The following ABHD2 variants were observed in gnomAD, a reference collection of about 807,000 sequenced individuals.
The protein encoded by ABHD2 is monoacylglycerol lipase ABHD2.
In ABHD2, 20 loss-of-function variants were observed where a neutral mutation model predicts 48.1. That is an observed-to-expected ratio of 0.42 (90% CI 0.29 to 0.60). The LOEUF (loss-of-function observed/expected upper bound fraction) is 0.60, where lower values mean the gene tolerates loss of function less well. ABHD2 is among the 20% of genes least tolerant of loss of function. The pLI, the probability that ABHD2 is intolerant of heterozygous loss-of-function variation, is 0.24. For synonymous variants in ABHD2, 209 were observed against 214.2 expected (o/e 0.98, Z 0.21); for missense variants, 405 against 550.9 (o/e 0.74, Z 2.65).
In ABHD2 at chr15:89,175,932, C is replaced by G; in HGVS notation, c.659C>G (p.Thr220Ser). ...ATTGTGTGCAAATACTTGGGGGAGA[C>G]TCAGGCAAACCAAGAGAAGGTCCTG... Reference protein sequence around the residue: ...GNIVCKYLGETQANQEKVLCC... With the variant: ...GNIVCKYLGESQANQEKVLCC... Residue 220 changes from threonine to serine, a missense_variant, in exon 6 of 11, where the codon ACT (threonine) becomes AGT (serine). By Grantham distance (58) the Thr-to-Ser change is moderately conservative. Transcript: ENST00000352732. This position sits in a 1 kb window ranked among gnomAD's most constrained non-coding sequence, Gnocchi z 5.7. 5 of 1,614,090 alleles carry G rather than the reference C, an allele frequency of 3.1e-6. No homozygotes were observed. The highest frequency in any genetic ancestry group is 4.2e-6 in the Non-Finnish European group (5 of 1,179,996).
intron 5 of ABHD2, among the ~76,000 whole-genome samples, chr15:89,172,917 G>A (rs1596144272): frequency 6.6e-6 from 1 of 152,222 alleles, no homozygotes; most frequent in African/African-American, 2.4e-5. Context: ...GAGCCTGGAA[G>A]CTGAAGATTT....
At position 89,195,371 on chromosome 15, in the gene ABHD2, G is replaced by GT. The variant is rs746175630; in HGVS notation, c.1227dup (p.Asn410Ter). The GT allele has an allele frequency of 1.9e-6, 3 of 1,614,068 alleles. No individual in the cohort carries two copies. Among genetic ancestry groups the GT allele is most frequent in the Non-Finnish European group, 2.5e-6 (3 of 1,180,046 alleles). ...GCCAACGCCATTTGCCAATGGGAGC[G>GT]TAACAAGTTGCAGTGCTCTGACACG... On this transcript the variant is annotated frameshift_variant, in exon 11 of 11. Coordinates refer to ENST00000352732, the MANE Select transcript of ABHD2 (RefSeq NM_152924.5). LOFTEE classifies it high-confidence loss of function. The surrounding 1 kb of genome is among the most constrained non-coding windows in gnomAD (Gnocchi z 5.1).
At chr15:89,049,366 G>A in the ABHD2 span, among the ~76,000 whole-genome samples, 1 of 152,250 alleles carries the variant, frequency 6.6e-6, no homozygotes, top group African/African-American at 2.4e-5. Flanking sequence ...TGCCCCCAGA[G>A]GTGGAGCCTA....
the ABHD2 span, among the ~76,000 whole-genome samples, chr15:89,054,629 G>A: frequency 6.6e-6 from 1 of 151,702 alleles, no homozygotes; most frequent in Non-Finnish European, 1.5e-5. Flanking sequence ...GCAGTGAGCC[G>A]AGGTTGTGCC....
intron 3 of ABHD2, among the ~76,000 whole-genome samples, chr15:89,140,964 T>C (rs896537817): frequency 2.9e-5 from 4 of 138,512 alleles, no homozygotes; most frequent in Non-Finnish European, 1.6e-5. Context: ...GTTAATAGTT[T>C]AGTTTCACTT....
chr15:89,134,529 C>T (rs1217995197), intron 3 of ABHD2, among the ~76,000 whole-genome samples: 2 of 152,144 alleles, frequency 1.3e-5, no homozygotes, highest in African/African-American at 2.4e-5. Flanking sequence ...CAGCTTTGTA[C>T]TATGTTTTGC....
At chr15:89,042,025 T>C in the ABHD2 span, among the ~76,000 whole-genome samples, 21 of 152,208 alleles carry the variant, frequency 1.4e-4, no homozygotes, top group African/African-American at 1.7e-4. Flanking sequence ...ATCACCATTA[T>C]TGCTAAACAT....
At chr15:89,084,435 G>A (rs916595826), upstream of ABHD2, among the ~76,000 whole-genome samples, 3 of 152,094 alleles carry the variant, frequency 2.0e-5, no homozygotes, top group African/African-American at 7.2e-5. The surrounding 1 kb of genome is among the most constrained non-coding windows in gnomAD (Gnocchi z 4.4). Flanking sequence ...AAGTAGCTGG[G>A]ATTACAGGCA....
intron 5 of ABHD2, among the ~76,000 whole-genome samples, chr15:89,163,243 CTG>C (rs1398189582): frequency 2.6e-5 from 4 of 152,254 alleles, no homozygotes; most frequent in Non-Finnish European, 5.9e-5. Context: ...CAACCCAACT[CTG>C]TTCCAAACCA....
chr15:89,153,860 T>C (rs2050630415), intron 4 of ABHD2, among the ~76,000 whole-genome samples: 1 of 152,262 alleles, frequency 6.6e-6, no homozygotes, highest in Admixed American at 6.5e-5. Flanking sequence ...TGTGATATTA[T>C]AAAGACTTTC....
chr15:89,172,506 T>C lies in ABHD2; in HGVS notation c.539-3306T>C, dbSNP rs79111297. 2.7e-3 allele frequency among the ~76,000 whole-genome samples: 412 copies of C among 152,372 alleles called. 2 individuals are homozygous for C. The highest frequency in any genetic ancestry group is 9.2e-3 in the African/African-American group (384 of 41,588). On this transcript the variant is annotated intron_variant, in intron 5 of 10. Coordinates refer to ENST00000352732, the MANE Select transcript of ABHD2 (RefSeq NM_152924.5). ...GCATTGTACACATGTACCACATTGC[T>C]CTTATCCATTCATCCATCAAGGCAC...
chr15:89,187,105 G>A (rs2051223581), intron 7 of ABHD2, among the ~76,000 whole-genome samples: 1 of 152,228 alleles, frequency 6.6e-6, no homozygotes, highest in South Asian at 2.1e-4. Context: ...GTAGCCAGAA[G>A]GGGTGGATCC....
chr15:89,175,859 T>C lies in ABHD2; in HGVS notation c.586T>C (p.Tyr196His). The change falls in exon 6 of 11, where the codon TAT becomes CAT. Residue 196 changes from tyrosine to histidine, a missense_variant. Tyr to His is a moderately conservative substitution (Grantham distance 83, BLOSUM62 2). Coordinates refer to ENST00000352732, the MANE Select transcript of ABHD2 (RefSeq NM_152924.5). The surrounding 1 kb of genome is among the most constrained non-coding windows in gnomAD (Gnocchi z 5.7). ...CATGGTGAACTACATCAAGAAGACA[T>C]ATCCCCTGACCCAGCTGGTCGTCGT... ...GAMVNYIKKT[Y>H]PLTQLVVVGF... 1 of 1,614,082 alleles carries C rather than the reference T, an allele frequency of 6.2e-7. No homozygotes were observed. Among genetic ancestry groups the C allele is most frequent in the Non-Finnish European group, 8.5e-7 (1 of 1,180,000 alleles).
chr15:89,183,363 C>A (rs867194579), intron 6 of ABHD2: 8 of 59,038 alleles, frequency 1.4e-4, no homozygotes, highest in Admixed American at 2.4e-4. Flanking sequence ...GACATCAGTC[C>A]TTTTCAAAAA....
At position 89,114,436 on chromosome 15, in the gene ABHD2, G is replaced by C. The variant is rs530521572; in HGVS notation, c.-7+612G>C. On this transcript the variant is annotated intron_variant, in intron 2 of 10. Transcript: ENST00000352732. This position sits in a 1 kb window ranked among gnomAD's most constrained non-coding sequence, Gnocchi z 4.2. Reference sequence around the variant, plus strand: ...ACAGCTTTCAGGGGATATGACCCCAGGAGTGAGGAGGAGTGTCACCAGAAG... The same window carrying C: ...ACAGCTTTCAGGGGATATGACCCCACGAGTGAGGAGGAGTGTCACCAGAAG... 2.0e-5 allele frequency among the ~76,000 whole-genome samples: 3 copies of C among 152,146 alleles called. No individual in the cohort carries two copies. Among genetic ancestry groups the C allele is most frequent in the Non-Finnish European group, 4.4e-5 (3 of 68,022 alleles).
At chr15:89,160,672 T>C (rs189151310) in intron 5 of ABHD2, among the ~76,000 whole-genome samples, 1 of 152,332 alleles carries the variant, frequency 6.6e-6, no homozygotes, top group East Asian at 1.9e-4. Context: ...CTGAGGGGCC[T>C]CTGTGTCTCC....
At chr15:89,064,283 G>A in the ABHD2 span, among the ~76,000 whole-genome samples, 9 of 145,696 alleles carry the variant, frequency 6.2e-5, no homozygotes, top group South Asian at 2.1e-4. Context: ...GCAGTGGTGC[G>A]ATCTCTGCTC....
rs902972349 is a variant in ABHD2 at position 89,176,310 on chromosome 15, T to C, written c.722+315T>C. On this transcript the variant is annotated intron_variant, in intron 6 of 10. Transcript: ENST00000352732. The surrounding 1 kb of genome is among the most constrained non-coding windows in gnomAD (Gnocchi z 4.5). ...TTAATTTGTTCAGGCTTCAGGAGTT[T>C]TTATAGAAACGTGGATTAATGAAAG... 2.0e-5 allele frequency among the ~76,000 whole-genome samples: 3 copies of C among 152,090 alleles called. No homozygotes were observed. Among genetic ancestry groups the C allele is most frequent in the Admixed American group, 6.5e-5 (1 of 15,274 alleles).
At chr15:89,126,356 C>G (rs749711398) in intron 3 of ABHD2, among the ~76,000 whole-genome samples, 4 of 152,194 alleles carry the variant, frequency 2.6e-5, no homozygotes, top group African/African-American at 9.7e-5. Flanking sequence ...ACAGGACTTA[C>G]ATGGAATCAG....
Sources: allele counts gnomAD v4.1 joint callset (sites outside exome capture counted in the v4.1 genomes callset), GRCh38; gene constraint gnomAD v4.1.1; non-coding constraint Gnocchi (gnomAD v3.1); transcripts MANE v1.5; gene names NCBI Gene and HGNC (gene_info 2026-07-23, HGNC 2026-07-21).